The following SAMD12 variants were observed in gnomAD, a reference collection of about 807,000 sequenced individuals.
SAMD12 encodes the protein sterile alpha motif domain-containing protein 12.
In SAMD12, 9 loss-of-function variants were observed where a neutral mutation model predicts 15.0. The ratio of observed to expected loss-of-function variants is 0.60; its 90% CI spans 0.36 to 1.05. SAMD12 has a LOEUF of 1.05. Among genes scored for constraint, SAMD12 ranks in the 50% least tolerant of loss-of-function variants. The pLI is 0.01. For missense variants in SAMD12, 230 were observed against 234.2 expected (o/e 0.98, Z 0.12); for synonymous variants, 86 against 90.1 (o/e 0.96, Z 0.25).
intron 2 of SAMD12, among the ~76,000 whole-genome samples, chr8:118,503,455 T>A (rs1824840978): frequency 6.6e-6 from 1 of 152,124 alleles, no homozygotes; most frequent in African/African-American, 2.4e-5. Context: ...GGGATCCCTT[T>A]TCACGGGTAA....
chr8:118,582,564 C>T (rs1827323090), intron 1 of SAMD12, among the ~76,000 whole-genome samples: 1 of 152,196 alleles, frequency 6.6e-6, no homozygotes, highest in Non-Finnish European at 1.5e-5. Context: ...ACACTCTGGG[C>T]ACTTAACATG....
At chr8:118,140,597 T>G in the SAMD12 span, among the ~76,000 whole-genome samples, 2 of 152,152 alleles carry the variant, frequency 1.3e-5, no homozygotes, top group Admixed American at 1.3e-4. Context: ...TATTGTTATA[T>G]TTCCCTGCAA....
chr8:118,379,832 T>G, intron 3 of SAMD12, 132 bp from the exon 4 acceptor site: 1 of 1,133,550 alleles, frequency 8.8e-7, no homozygotes, highest in South Asian at 1.7e-5. Context: ...AATAAAGGTC[T>G]TCCATTATTA....
chr8:118,415,209 GAAGAA>G (rs1263074747), intron 3 of SAMD12, among the ~76,000 whole-genome samples: 1 of 152,126 alleles, frequency 6.6e-6, no homozygotes, highest in African/African-American at 2.4e-5. Flanking sequence ...CTGTCCTTCA[GAAGAA>G]AAGGCAAAGG....
intron 1 of SAMD12, among the ~76,000 whole-genome samples, chr8:118,591,195 A>G (rs2131279478): frequency 6.6e-6 from 1 of 150,706 alleles, no homozygotes; most frequent in East Asian, 2.0e-4. Context: ...ATACAACAAA[A>G]CAGAATTAAA....
At chr8:118,316,263 G>A (rs138858235) in intron 4 of SAMD12, among the ~76,000 whole-genome samples, 79 of 151,678 alleles carry the variant, frequency 5.2e-4, no homozygotes, top group African/African-American at 1.4e-3. Flanking sequence ...GGCCAGGTGC[G>A]GTGGCTCATG....
At chr8:118,398,256 G>A (rs1304591178) in intron 3 of SAMD12, among the ~76,000 whole-genome samples, 1 of 152,070 alleles carries the variant, frequency 6.6e-6, no homozygotes, top group Non-Finnish European at 1.5e-5. Context: ...AATATTAGCT[G>A]GGCATGGTGG....
At chr8:118,508,277 T>C (rs1235901340) in intron 2 of SAMD12, among the ~76,000 whole-genome samples, 3 of 152,018 alleles carry the variant, frequency 2.0e-5, no homozygotes, top group Non-Finnish European at 4.4e-5. Context: ...ATATACCTAA[T>C]GTAAATGACA....
chr8:118,423,823 G>A (rs541695791), intron 3 of SAMD12, among the ~76,000 whole-genome samples: 1 of 152,042 alleles, frequency 6.6e-6, no homozygotes, highest in East Asian at 1.9e-4. Flanking sequence ...AACCTTAAAG[G>A]GTTATTGTGA....
intron 4 of SAMD12, among the ~76,000 whole-genome samples, chr8:118,234,755 A>C (rs962392498): frequency 2.0e-5 from 3 of 151,858 alleles, no homozygotes; most frequent in Non-Finnish European, 4.4e-5. Context: ...GGAAGCAATA[A>C]ATAATACAAA....
chr8:118,534,949 A>C (rs1328329145), intron 2 of SAMD12, among the ~76,000 whole-genome samples: 1 of 152,212 alleles, frequency 6.6e-6, no homozygotes, highest in Admixed American at 6.5e-5. Context: ...TCTTCTCTTA[A>C]CTTGTCAAAG....
At position 118,219,461 on chromosome 8, in the gene SAMD12, A is replaced by T. The variant is rs75407907; in HGVS notation, c.434-21729T>A. Among the ~76,000 whole-genome samples the T allele has an allele frequency of 5.5e-3, 831 of 152,338 alleles. 3 individuals carry two copies. Among genetic ancestry groups the T allele is most frequent in the Non-Finnish European group, 5.7e-3 (391 of 68,032 alleles). ...TTGAACATATGAGGTAATTTTACGA[A>T]CACCCTTGGGTGGATTAAAGGTAGC... On this transcript the variant is annotated intron_variant, in intron 4 of 4. Coordinates refer to the SAMD12 transcript ENST00000409003.
chr8:118,302,765 G>T (rs1288897910), intron 4 of SAMD12, among the ~76,000 whole-genome samples: 2 of 152,188 alleles, frequency 1.3e-5, no homozygotes, highest in African/African-American at 4.8e-5. Flanking sequence ...CAAACTTAAT[G>T]CTTCTGGGAA....
chr8:118,144,255 C>G, the SAMD12 span, among the ~76,000 whole-genome samples: 1 of 152,206 alleles, frequency 6.6e-6, no homozygotes, highest in Admixed American at 6.5e-5. Flanking sequence ...GAAGACTTTT[C>G]CCAAATAAAA....
chr8:118,522,006 C>T (rs10098557), intron 2 of SAMD12, among the ~76,000 whole-genome samples: 105,660 of 151,942 alleles, frequency 0.7, 38,053 homozygotes, highest in African/African-American at 0.9. Flanking sequence ...TAACAAGGTC[C>T]CTATCCTATA....
intron 4 of SAMD12, among the ~76,000 whole-genome samples, chr8:118,372,583 C>A (rs931390814): frequency 6.6e-6 from 1 of 152,034 alleles, no homozygotes; most frequent in African/African-American, 2.4e-5. Context: ...AATTCCACTT[C>A]TAGATATTTA....
intron 1 of SAMD12, among the ~76,000 whole-genome samples, chr8:118,588,137 C>T (rs1827497649): frequency 6.6e-6 from 1 of 152,104 alleles, no homozygotes; most frequent in African/African-American, 2.4e-5. Context: ...AGCTGGGGTC[C>T]TAAGGTACCC....
At chr8:118,595,867 G>T (rs1342191876) in intron 1 of SAMD12, among the ~76,000 whole-genome samples, 1 of 152,148 alleles carries the variant, frequency 6.6e-6, no homozygotes, top group Admixed American at 6.5e-5. Flanking sequence ...ACTTCTATGG[G>T]CACCATTTTA....
chr8:118,141,726 G>A, the SAMD12 span, among the ~76,000 whole-genome samples: 4 of 152,210 alleles, frequency 2.6e-5, no homozygotes, highest in African/African-American at 9.7e-5. Context: ...CTTAAACAGA[G>A]CATCTTTCTA....
Sources: allele counts gnomAD v4.1 joint callset (sites outside exome capture counted in the v4.1 genomes callset), GRCh38; gene constraint gnomAD v4.1.1; transcripts MANE v1.5; gene names NCBI Gene and HGNC (gene_info 2026-07-23, HGNC 2026-07-21).